The following MAOB variants were observed in gnomAD, a reference collection of about 807,000 sequenced individuals.
The protein encoded by MAOB is monoamine oxidase B.
In MAOB, 15 loss-of-function variants were observed where a neutral mutation model predicts 41.9. The observed-to-expected ratio is 0.36, with a 90% CI of 0.24 to 0.55. MAOB has a LOEUF of 0.55. Ranked by LOEUF, MAOB falls within the 20% of genes least tolerant of loss-of-function variation. MAOB has a pLI of 0.86. For synonymous variants in MAOB, 167 were observed against 144.2 expected, an observed-to-expected ratio of 1.16 and a Z score of -1.13; for missense variants, 345 against 398.7, an observed-to-expected ratio of 0.87 and a Z score of 1.15.
intron 3 of MAOB, among the ~76,000 whole-genome samples, chrX:43,832,351 A>G (rs1178676568): frequency 2.7e-5 from 3 of 112,252 alleles, no homozygotes; most frequent in African/African-American, 9.7e-5. Context: ...TACTTGTAAT[A>G]CATTTGCTTT....
At chrX:43,831,197 T>C (rs2035016322) in intron 3 of MAOB, among the ~76,000 whole-genome samples, 1 of 111,382 alleles carries the variant, frequency 9.0e-6, no homozygotes, top group Non-Finnish European at 1.9e-5. Context: ...TGTTAATGGA[T>C]ATGTAACCCA....
chrX:43,839,936 A>G (rs2035114273), intron 2 of MAOB, among the ~76,000 whole-genome samples: 1 of 112,334 alleles, frequency 8.9e-6, no homozygotes, highest in Non-Finnish European at 1.9e-5. Flanking sequence ...AAAGCAACAT[A>G]TAATAATTGT....
At chrX:43,795,683 G>A (rs150290790) in intron 7 of MAOB, 56 bp downstream of exon 7, 1 of 1,027,960 alleles carries the variant, frequency 9.7e-7, no homozygotes, top group African/African-American at 1.9e-5. Flanking sequence ...TTTTAAAGTT[G>A]TATGCCAGGA....
At chrX:43,816,228 C>T (rs2034812864) in intron 3 of MAOB, among the ~76,000 whole-genome samples, 1 of 111,736 alleles carries the variant, frequency 8.9e-6, no homozygotes, top group Non-Finnish European at 1.9e-5. Context: ...AGTAAGGGAA[C>T]ATGAGGAGGC....
intron 2 of MAOB, among the ~76,000 whole-genome samples, chrX:43,842,821 A>G (rs1229668006): frequency 8.9e-6 from 1 of 111,952 alleles, no homozygotes; most frequent in Non-Finnish European, 1.9e-5. Flanking sequence ...AGCCAGGCAC[A>G]GAAAGACTTA....
At chrX:43,810,103 C>T (rs746250622) in intron 3 of MAOB, among the ~76,000 whole-genome samples, 1 of 101,181 alleles carries the variant, frequency 9.9e-6, no homozygotes, top group South Asian at 4.5e-4. Flanking sequence ...ATTAGCCGGG[C>T]GTGGTGGCGG....
chrX:43,818,389 G>A (rs2034843991), intron 3 of MAOB, among the ~76,000 whole-genome samples: 1 of 111,600 alleles, frequency 9.0e-6, no homozygotes, highest in African/African-American at 3.3e-5. Flanking sequence ...AAACATCTTC[G>A]CCAGGATTAC....
rs761461513 is a variant in MAOB, at chrX:43,865,063, G to T, written c.46+17191C>A. 7.1e-5 allele frequency among the ~76,000 whole-genome samples: 8 copies of T among 112,085 alleles called. No individual in the cohort carries two copies. In the South Asian group the frequency reaches 3.0e-3, roughly 42 times the overall value. ...TTCGCTCCCGGGTATATACCGAAGA[G>T]AAATAAAAATATCTCCACACAAAAA... On this transcript the variant is annotated intron_variant, in intron 1 of 14. Coordinates refer to ENST00000378069, the MANE Select transcript of MAOB (RefSeq NM_000898.5).
chrX:43,836,462 G>T lies in MAOB; in HGVS notation c.279+2406C>A, dbSNP rs750594046. Reference sequence around the variant, plus strand: ...CCAAATTGGCACCTTTGTCAAGACTGCAGAAACCTTTTTTTTACAGCATCA... The same window carrying T: ...CCAAATTGGCACCTTTGTCAAGACTTCAGAAACCTTTTTTTTACAGCATCA... On this transcript the variant is annotated intron_variant, in intron 3 of 14. Coordinates refer to ENST00000378069, the MANE Select transcript of MAOB (RefSeq NM_000898.5). 1.1e-4 allele frequency among the ~76,000 whole-genome samples: 12 copies of T among 112,140 alleles called. No individual in the cohort carries two copies. In the East Asian group the frequency reaches 3.3e-3, roughly 31 times the overall value.
intron 1 of MAOB, among the ~76,000 whole-genome samples, chrX:43,869,156 A>G (rs1246224403): frequency 9.0e-6 from 1 of 111,707 alleles, no homozygotes; most frequent in Non-Finnish European, 1.9e-5. Context: ...ATGGTATCAT[A>G]ACACTAATGG....
chrX:43,860,227 G>T (rs1454133330), intron 1 of MAOB, among the ~76,000 whole-genome samples: 1 of 111,839 alleles, frequency 8.9e-6, no homozygotes, highest in Non-Finnish European at 1.9e-5. Context: ...TTATTCACAG[G>T]TGATCTCAAC....
At chrX:43,829,976 G>C (rs2034997172) in intron 3 of MAOB, among the ~76,000 whole-genome samples, 1 of 111,509 alleles carries the variant, frequency 9.0e-6, no homozygotes, top group Non-Finnish European at 1.9e-5. Context: ...TAAAAGCTTA[G>C]TACAAAAGAA....
chrX:43,837,098 G>T (rs1416070249), intron 3 of MAOB, among the ~76,000 whole-genome samples: 1 of 112,036 alleles, frequency 8.9e-6, no homozygotes, highest in Non-Finnish European at 1.9e-5. Flanking sequence ...ATAATCTCTG[G>T]TCATTTCCTT....
intron 1 of MAOB, among the ~76,000 whole-genome samples, chrX:43,868,823 T>C (rs1006681242): frequency 1.8e-5 from 2 of 109,628 alleles, no homozygotes; most frequent in Non-Finnish European, 3.8e-5. Context: ...CAAAAATAAA[T>C]AAGCACAGAA....
At chrX:43,832,503 T>C (rs775780199) in intron 3 of MAOB, among the ~76,000 whole-genome samples, 1 of 111,732 alleles carries the variant, frequency 8.9e-6, no homozygotes, top group Non-Finnish European at 1.9e-5. Flanking sequence ...TACTTCTGCC[T>C]ACTCAATGTG....
At chrX:43,879,259 A>G (rs2035459077) in intron 1 of MAOB, among the ~76,000 whole-genome samples, 1 of 112,323 alleles carries the variant, frequency 8.9e-6, no homozygotes, top group Admixed American at 9.4e-5. Context: ...ATCAAAAAAG[A>G]AAGTTATGTA....
chrX:43,797,818 T>G (rs956217753), intron 5 of MAOB, among the ~76,000 whole-genome samples: 45 of 111,740 alleles, frequency 4.0e-4, no homozygotes, highest in African/African-American at 1.5e-3. Context: ...CAGAGGCTTT[T>G]CCCTCCCTCC....
At chrX:43,807,755 C>T (rs1462489339) in intron 3 of MAOB, among the ~76,000 whole-genome samples, 2 of 112,165 alleles carry the variant, frequency 1.8e-5, no homozygotes, top group African/African-American at 6.5e-5. Flanking sequence ...ACCGCAGCTG[C>T]TACTATTATA....
intron 5 of MAOB, among the ~76,000 whole-genome samples, chrX:43,800,331 A>T (rs1043571464): frequency 1.8e-5 from 2 of 111,584 alleles, no homozygotes; most frequent in African/African-American, 6.5e-5. Context: ...AACAGGAGTT[A>T]TAAAACAAAT....
Sources: allele counts gnomAD v4.1 joint callset (sites outside exome capture counted in the v4.1 genomes callset), GRCh38; gene constraint gnomAD v4.1.1; transcripts MANE v1.5; gene names NCBI Gene and HGNC (gene_info 2026-07-23, HGNC 2026-07-21).